SLC1A2: variants seen among roughly 807,000 people sequenced by gnomAD.
SLC1A2 encodes excitatory amino acid transporter 2.
SLC1A2 carries 15 observed loss-of-function variants against 48.8 expected under a neutral mutation model. That is an observed-to-expected ratio of 0.31 (90% CI 0.21 to 0.47). SLC1A2 has a LOEUF of 0.47. Among genes scored for constraint, SLC1A2 ranks in the 20% least tolerant of loss-of-function variants. The pLI, the probability that SLC1A2 is intolerant of heterozygous loss-of-function variation, is 0.99. For synonymous variants in SLC1A2, 279 were observed against 272.6 expected, an observed-to-expected ratio of 1.02 and a Z score of -0.23; for missense variants, 502 against 730.5, an observed-to-expected ratio of 0.69 and a Z score of 3.61.
chr11:35,305,445 G>T (rs2134824982), intron 5 of SLC1A2, among the ~76,000 whole-genome samples: 1 of 152,298 alleles, frequency 6.6e-6, no homozygotes, highest in East Asian at 1.9e-4. Flanking sequence ...CAGATAACCA[G>T]TAAGTGGCCC....
chr11:35,270,042 G>A (rs74645186), intron 9 of SLC1A2, among the ~76,000 whole-genome samples: 209 of 152,320 alleles, frequency 1.4e-3, no homozygotes, highest in African/African-American at 4.8e-3. Flanking sequence ...GGTAGGCAGA[G>A]GCTGCAGTGA....
chr11:35,350,572 TTCCTAGG>T (rs943106292), intron 1 of SLC1A2, among the ~76,000 whole-genome samples: 3 of 152,208 alleles, frequency 2.0e-5, no homozygotes, highest in African/African-American at 7.2e-5. Flanking sequence ...CATATGCTGC[TTCCTAGG>T]TCCTGACTTG....
chr11:35,350,744 C>A (rs1055264420), intron 1 of SLC1A2, among the ~76,000 whole-genome samples: 2 of 152,184 alleles, frequency 1.3e-5, no homozygotes, highest in African/African-American at 4.8e-5. Flanking sequence ...TGCAGCTGCC[C>A]ATCAAGCCTG....
rs80103169 is a variant in SLC1A2 at position 35,266,647 on chromosome 11, C to A, written c.1422-889G>T. ...AAATCAGTGTGAAGAATACTTTTGG[C>A]CATGTTTACTAGATATTCAAAGTCT... On this transcript the variant is annotated intron_variant, in intron 9 of 10. Coordinates refer to ENST00000278379, the MANE Select transcript of SLC1A2 (RefSeq NM_004171.4). Among the ~76,000 whole-genome samples the A allele has an allele frequency of 1.8e-4, 27 of 152,136 alleles. No individual in the cohort carries two copies. In the East Asian group the frequency reaches 5.2e-3, roughly 29 times the overall value.
intron 7 of SLC1A2, among the ~76,000 whole-genome samples, chr11:35,290,727 T>TTC (rs1554995708): frequency 5.0e-4 from 74 of 148,584 alleles, no homozygotes; most frequent in East Asian, 1.8e-3. Flanking sequence ...TTTTTTTTTT[T>TTC]TCTCTTTTTC....
In SLC1A2 at chr11:35,301,613, C is replaced by T. The variant is rs138860120; in HGVS notation, c.763G>A (p.Ala255Thr). 4.3e-5 allele frequency: 69 copies of T among 1,613,702 alleles called. No homozygotes were observed. The African/African-American group carries it at 5.7e-4, about 13-fold the overall frequency. ...GCCTGATCTCCCATCTTCCCCATAG[C>T]GATGCCAAAAGCAATGAAAAACCCT... Reference protein sequence around the residue: ...LIGFFIAFGIAMGKMGDQAKL... With the variant: ...LIGFFIAFGITMGKMGDQAKL... Residue 255 changes from alanine to threonine, a missense_variant, in exon 6 of 11, where the codon GCT becomes ACT. Physicochemically the swap from Ala to Thr is moderately conservative, Grantham distance 58. This residue lies in a region of SLC1A2 where 309 missense variants were observed against 480.3 expected (regional missense o/e 0.64). Coordinates refer to ENST00000278379, the MANE Select transcript of SLC1A2 (RefSeq NM_004171.4).
At chr11:35,392,781 G>T (rs545879706) in intron 1 of SLC1A2, among the ~76,000 whole-genome samples, 1 of 152,328 alleles carries the variant, frequency 6.6e-6, no homozygotes, top group South Asian at 2.1e-4. Flanking sequence ...ATTCAGCAGT[G>T]CATGTGTATG....
At chr11:35,261,474 T>TA (rs144207138) in intron 10 of SLC1A2, among the ~76,000 whole-genome samples, 2,579 of 152,306 alleles carry the variant, frequency 0.017, 59 homozygotes, top group African/African-American at 0.057. Context: ...CTTTAAAGAT[T>TA]AAAAAGAAAA....
At position 35,251,376 on chromosome 11, in the gene SLC1A2, C is replaced by T. The variant is rs190188127; in HGVS notation, c.*9518G>A. The T allele has an allele frequency of 5.9e-5, 9 of 152,662 alleles. No homozygotes were observed. Among genetic ancestry groups the T allele is most frequent in the Admixed American group, 2.6e-4 (4 of 15,290 alleles). 9.5% of individuals were successfully genotyped at this position (152,662 alleles called of 1,614,324 possible). ...GTAAGAAAGCTTAGAAAGCTAAAGGCGAAAACAAAAGACCTCAACTACCCA... is the reference window on the plus strand; with the variant it reads ...GTAAGAAAGCTTAGAAAGCTAAAGGTGAAAACAAAAGACCTCAACTACCCA... On this transcript the variant is annotated 3_prime_UTR_variant, in exon 11 of 11. Transcript: ENST00000278379.
At chr11:35,322,837 TC>T in intron 1 of SLC1A2, 2 of 677,160 alleles carry the variant, frequency 3.0e-6, no homozygotes, top group South Asian at 1.6e-5. Flanking sequence ...ATCCAGGGTT[TC>T]CCCCAGCTCC....
intron 3 of SLC1A2, among the ~76,000 whole-genome samples, chr11:35,313,860 C>A (rs1055905421): frequency 1.3e-5 from 2 of 152,174 alleles, no homozygotes; most frequent in Non-Finnish European, 2.9e-5. Flanking sequence ...CCAGCTGAAG[C>A]CTCAACCCAG....
intron 1 of SLC1A2, among the ~76,000 whole-genome samples, chr11:35,330,019 T>C (rs1264440947): frequency 3.3e-5 from 5 of 152,174 alleles, no homozygotes; most frequent in African/African-American, 1.2e-4. Flanking sequence ...TTGCTCCAAG[T>C]CAGGCAGTTG....
intron 1 of SLC1A2, among the ~76,000 whole-genome samples, chr11:35,345,131 A>C (rs1852981704): frequency 6.6e-6 from 1 of 152,260 alleles, no homozygotes; most frequent in Non-Finnish European, 1.5e-5. Context: ...CAAGCAATCC[A>C]GTCCATGATG....
chr11:35,382,082 C>T (rs1450738057), intron 1 of SLC1A2, among the ~76,000 whole-genome samples: 1 of 152,166 alleles, frequency 6.6e-6, no homozygotes, highest in Non-Finnish European at 1.5e-5. Flanking sequence ...GATACTGAGG[C>T]TTAGAAAAAT....
chr11:35,284,451 G>C (rs1376370962), intron 8 of SLC1A2, among the ~76,000 whole-genome samples: 1 of 152,098 alleles, frequency 6.6e-6, no homozygotes, highest in South Asian at 2.1e-4. Flanking sequence ...TGTATAAGGT[G>C]AGATAATTTA....
intron 6 of SLC1A2, among the ~76,000 whole-genome samples, chr11:35,295,300 T>G (rs965765741): frequency 6.6e-6 from 1 of 152,198 alleles, no homozygotes; most frequent in Non-Finnish European, 1.5e-5. Flanking sequence ...ACCTCCCACA[T>G]CAGCCTCCCA....
chr11:35,330,910 T>C (rs896619418), intron 1 of SLC1A2, among the ~76,000 whole-genome samples: 2 of 152,220 alleles, frequency 1.3e-5, no homozygotes, highest in African/African-American at 4.8e-5. Flanking sequence ...CAGAACTATA[T>C]GATAATAAGT....
intron 1 of SLC1A2, among the ~76,000 whole-genome samples, chr11:35,402,486 C>T: frequency 6.6e-6 from 1 of 152,182 alleles, no homozygotes; most frequent in East Asian, 1.9e-4. Context: ...ATCTCTTTCA[C>T]TTGGCTGTTT....
intron 9 of SLC1A2, among the ~76,000 whole-genome samples, chr11:35,271,801 C>T (rs1040874913): frequency 1.3e-5 from 2 of 152,150 alleles, no homozygotes; most frequent in African/African-American, 4.8e-5. Flanking sequence ...CATGATAGCG[C>T]CACTGCACTC....
Sources: gnomAD v4.1 joint callset for allele counts (sites outside exome capture counted in the v4.1 genomes callset) on GRCh38, gnomAD v4.1.1 for gene constraint, gnomAD v4.1.1 regional missense constraint, MANE v1.5 for transcripts, NCBI Gene and HGNC (gene_info 2026-07-23, HGNC 2026-07-21) for gene names.